CSTF3: variants seen among roughly 807,000 people sequenced by gnomAD.
CSTF3 encodes the protein CF-1 77 kDa subunit.
In CSTF3, 29 loss-of-function variants were observed where a neutral mutation model predicts 105.8. The ratio of observed to expected loss-of-function variants is 0.27; its 90% CI spans 0.20 to 0.37. CSTF3 has a LOEUF of 0.37. CSTF3 is among the 10% of genes least tolerant of loss of function. The pLI is 1.00. For missense variants in CSTF3, 357 were observed against 879.3 expected, an observed-to-expected ratio of 0.41 and a Z score of 7.51; for synonymous variants, 252 against 281.9, an observed-to-expected ratio of 0.89 and a Z score of 1.06.
Position 33,087,098 on chromosome 11 carries a change from A to C in CSTF3, c.1685T>G (p.Val562Gly). The C allele has an allele frequency of 6.2e-7, 1 of 1,614,156 alleles. No homozygotes were observed. ...AACAGGCACTATAGAAGGAGCTACAACTGGGTCCGGAATTATAGCTGCTAG... is the reference window on the plus strand; with the variant it reads ...AACAGGCACTATAGAAGGAGCTACACCTGGGTCCGGAATTATAGCTGCTAG... ...AKLAAIIPDP[V>G]VAPSIVPVLK... Residue 562 changes from valine to glycine, a missense_variant, in exon 18 of 21, where the codon GTT (valine) becomes GGT (glycine). Around this residue, in one of 4 missense-constraint regions of CSTF3, gnomAD observed 206 missense variants for 576.5 expected, o/e 0.36. Coordinates refer to ENST00000323959, the MANE Select transcript of CSTF3 (RefSeq NM_001326.3).
intron 3 of CSTF3, among the ~76,000 whole-genome samples, chr11:33,125,908 G>T (rs1009712018): frequency 6.6e-6 from 1 of 152,106 alleles, no homozygotes; most frequent in Non-Finnish European, 1.5e-5. Flanking sequence ...CCTTAGTGCT[G>T]TAAGTTCAAT....
chr11:33,116,753 G>A (rs1268557236), intron 3 of CSTF3, among the ~76,000 whole-genome samples: 1 of 152,028 alleles, frequency 6.6e-6, no homozygotes, highest in African/African-American at 2.4e-5. Context: ...TACAGGCTGG[G>A]GAGAATACAG....
At chr11:33,118,361 C>T (rs548849502) in intron 3 of CSTF3, among the ~76,000 whole-genome samples, 2 of 151,912 alleles carry the variant, frequency 1.3e-5, no homozygotes, top group African/African-American at 4.8e-5. Flanking sequence ...CTATCAACAA[C>T]CATCACTTAA....
chr11:33,103,401 T>G (rs1328268687), intron 8 of CSTF3, among the ~76,000 whole-genome samples: 1 of 152,196 alleles, frequency 6.6e-6, no homozygotes, highest in Non-Finnish European at 1.5e-5. Context: ...TCTTATGAGC[T>G]GGCAGTAAGT....
chr11:33,124,234 G>A (rs1590275508), intron 3 of CSTF3, among the ~76,000 whole-genome samples: 1 of 152,024 alleles, frequency 6.6e-6, no homozygotes, highest in East Asian at 1.9e-4. Flanking sequence ...AAAGTCCAGA[G>A]GCACTACCAT....
rs769736669 is a variant in CSTF3, at chr11:33,141,650, T to C, written c.225+17A>G. ...GCTGCAATACTGATATAAGAAAAAA[T>C]AAAATAAAATAGTAACCTCTGCTTC... On this transcript the variant is annotated intron_variant, in intron 3 of 20. Transcript: ENST00000323959. 1.9e-6 allele frequency: 3 copies of C among 1,602,048 alleles called. No individual in the cohort carries two copies. The highest frequency in any genetic ancestry group is 1.4e-5 in the African/African-American group (1 of 73,974).
intron 20 of CSTF3, 91 bp downstream of exon 20, chr11:33,085,622 C>T (rs762101019): frequency 1.2e-5 from 15 of 1,218,860 alleles, no homozygotes; most frequent in South Asian, 7.7e-5. Context: ...TGGCTGGTTT[C>T]GAAAACTTCA....
At chr11:33,127,960 A>G (rs1167979758) in intron 3 of CSTF3, among the ~76,000 whole-genome samples, 1 of 152,214 alleles carries the variant, frequency 6.6e-6, no homozygotes, top group Non-Finnish European at 1.5e-5. Context: ...TTTATCCAAA[A>G]GGGGGGAAAA....
intron 9 of CSTF3, 33 bp downstream of exon 9, chr11:33,103,074 T>G: frequency 3.7e-6 from 5 of 1,355,004 alleles, no homozygotes; most frequent in Non-Finnish European, 5.1e-6. Flanking sequence ...AGACTCATAA[T>G]AATCATTAAA....
chr11:33,143,921 C>T (rs1170200676), intron 1 of CSTF3, among the ~76,000 whole-genome samples: 2 of 149,422 alleles, frequency 1.3e-5, no homozygotes, highest in Admixed American at 6.7e-5. Flanking sequence ...ACCCAGGAGG[C>T]GGAGCTTACA....
intron 1 of CSTF3, chr11:33,156,830 T>A (rs758309780): frequency 2.2e-5 from 8 of 368,408 alleles, no homozygotes; most frequent in Admixed American, 1.1e-4. Flanking sequence ...TAATTTTTTT[T>A]AAAAGATGCA....
intron 3 of CSTF3, chr11:33,140,829 G>A (rs1855702904): frequency 6.6e-6 from 1 of 151,840 alleles, no homozygotes; most frequent in African/African-American, 2.4e-5. Flanking sequence ...GCTTAATGTG[G>A]ATATCAGTTA....
intron 10 of CSTF3, among the ~76,000 whole-genome samples, chr11:33,100,703 T>C (rs1336403083): frequency 1.3e-5 from 2 of 152,180 alleles, no homozygotes; most frequent in Non-Finnish European, 1.5e-5. Context: ...GTTTAGGGAC[T>C]CAAGAAAGGC....
chr11:33,109,102 TCTGAG>T (rs1860838337), intron 3 of CSTF3, among the ~76,000 whole-genome samples: 1 of 152,212 alleles, frequency 6.6e-6, no homozygotes, highest in South Asian at 2.1e-4. Context: ...TCTAGGAGAA[TCTGAG>T]CTATTTGCTG....
At chr11:33,144,410 G>A (rs1855753396) in intron 1 of CSTF3, among the ~76,000 whole-genome samples, 3 of 152,138 alleles carry the variant, frequency 2.0e-5, no homozygotes, top group African/African-American at 7.2e-5. Flanking sequence ...AAGTTTATAA[G>A]GGACTATTGG....
intron 3 of CSTF3, 24 bp from the exon 4 acceptor site, chr11:33,108,442 GAATT>G (rs770500395): frequency 7.7e-6 from 11 of 1,433,580 alleles, no homozygotes; most frequent in East Asian, 5.4e-5. Flanking sequence ...GAAAAATATA[GAATT>G]AATACTATTT....
intron 3 of CSTF3, among the ~76,000 whole-genome samples, chr11:33,129,064 T>C (rs912170019): frequency 1.3e-5 from 2 of 152,208 alleles, no homozygotes; most frequent in Non-Finnish European, 2.9e-5. Flanking sequence ...AATGTCCTCA[T>C]CTTCCCTGAA....
intron 1 of CSTF3, among the ~76,000 whole-genome samples, chr11:33,160,506 A>G (rs1440709967): frequency 1.3e-5 from 2 of 152,218 alleles, no homozygotes; most frequent in South Asian, 2.1e-4. Flanking sequence ...AACACATTTA[A>G]TGGCATTTTT....
chr11:33,112,325 A>G (rs2133781455), intron 3 of CSTF3, among the ~76,000 whole-genome samples: 1 of 152,232 alleles, frequency 6.6e-6, no homozygotes, highest in South Asian at 2.1e-4. Flanking sequence ...AAAGAATTTG[A>G]TCACATTGCA....
Sources: gnomAD v4.1 joint callset for allele counts (sites outside exome capture counted in the v4.1 genomes callset) on GRCh38, gnomAD v4.1.1 for gene constraint, gnomAD v4.1.1 regional missense constraint, MANE v1.5 for transcripts, NCBI Gene and HGNC (gene_info 2026-07-23, HGNC 2026-07-21) for gene names.